The following CD55 variants were observed in gnomAD, a reference collection of about 807,000 sequenced individuals.
CD55 encodes the protein complement decay-accelerating factor.
CD55 carries 41 observed loss-of-function variants against 45.8 expected under a neutral mutation model. That is an observed-to-expected ratio of 0.90 (90% CI 0.70 to 1.16). The LOEUF (loss-of-function observed/expected upper bound fraction) is 1.16, where lower values mean the gene tolerates loss of function less well. Among genes scored for constraint, CD55 ranks in the 50% most tolerant of loss-of-function variants. CD55 has a pLI of 0.00. For missense variants in CD55, 416 were observed against 469.8 expected, an observed-to-expected ratio of 0.89 and a Z score of 1.06; for synonymous variants, 181 against 181.1, an observed-to-expected ratio of 1.00 and a Z score of 0.01.
intron 5 of CD55, among the ~76,000 whole-genome samples, chr1:207,328,895 G>A (rs187768365): frequency 1.6e-4 from 25 of 152,320 alleles, no homozygotes; most frequent in African/African-American, 6.0e-4. Context: ...ATAAATGGAG[G>A]TCGCTGGCCT....
At chr1:207,345,986 C>T (rs747409702) in intron 9 of CD55, among the ~76,000 whole-genome samples, 6 of 152,224 alleles carry the variant, frequency 3.9e-5, no homozygotes, top group Non-Finnish European at 7.3e-5. Context: ...TCCTTGGGCC[C>T]AGGGTGATGT....
At chr1:207,340,725 GC>G in intron 9 of CD55, 2 of 496,868 alleles carry the variant, frequency 4.0e-6, no homozygotes, top group South Asian at 5.7e-5. Context: ...CCATATCTTT[GC>G]TATTGTGAAT....
At chr1:207,346,187 G>T (rs1655630665) in intron 9 of CD55, among the ~76,000 whole-genome samples, 1 of 152,240 alleles carries the variant, frequency 6.6e-6, no homozygotes, top group Non-Finnish European at 1.5e-5. Context: ...GTTGGCTGTG[G>T]GTGCGGTGAT....
intron 9 of CD55, chr1:207,340,367 A>AT: frequency 1.6e-5 from 7 of 440,412 alleles, no homozygotes; most frequent in Admixed American, 8.6e-5. Context: ...TCTTTTTTTT[A>AT]TTTTTATTTT....
At chr1:207,322,167 C>T in intron 1 of CD55, 1 of 701,148 alleles carries the variant, frequency 1.4e-6, no homozygotes, top group Non-Finnish European at 2.6e-6. Flanking sequence ...AGACTGTATC[C>T]TTAACCCCCA....
In CD55 at chr1:207,345,852, TG is replaced by T. The variant is rs56078234; in HGVS notation, c.1081+6437del. On this transcript the variant is annotated intron_variant, in intron 9 of 9. Transcript: ENST00000367064. ...GACTTTCAGCTGTAAATATCATCAGTGGTATCTGTCATTTCCTCAGTGCTTT... is the reference window on the plus strand; with the variant it reads ...GACTTTCAGCTGTAAATATCATCAGTGTATCTGTCATTTCCTCAGTGCTTT... Among the ~76,000 whole-genome samples the T allele has an allele frequency of 1.1e-3, 161 of 152,354 alleles. 7 individuals carry two copies. The East Asian group carries it at 0.027, about 26-fold the overall frequency.
At position 207,323,990 on chromosome 1, in the gene CD55, C is replaced by G. The variant is rs557352742; in HGVS notation, c.287-569C>G. Among the ~76,000 whole-genome samples, 27 of 152,298 alleles carry G rather than the reference C, an allele frequency of 1.8e-4. 1 individual carries two copies. Among genetic ancestry groups the G allele is most frequent in the Admixed American group, 1.6e-3 (24 of 15,290 alleles). On this transcript the variant is annotated intron_variant, in intron 2 of 9. Transcript: ENST00000367064. ...ATGACCCTTCCACTTGACCATGCCT[C>G]TCTAGATTCACATTTGTGGGCAATC...
intron 4 of CD55, among the ~76,000 whole-genome samples, chr1:207,326,196 T>C (rs556051219): frequency 2.0e-5 from 3 of 152,332 alleles, no homozygotes; most frequent in African/African-American, 4.8e-5. Flanking sequence ...AACTCATTCA[T>C]TGAGTACCAT....
At chr1:207,353,248 G>A (rs2135923) in intron 9 of CD55, among the ~76,000 whole-genome samples, 40,679 of 151,464 alleles carry the variant, frequency 0.27, 6,153 homozygotes, top group East Asian at 0.58. Flanking sequence ...TTAAGGTGCC[G>A]TGATTCCCTA....
At chr1:207,340,093 C>T (rs1244749981) in intron 9 of CD55, among the ~76,000 whole-genome samples, 3 of 152,130 alleles carry the variant, frequency 2.0e-5, no homozygotes, top group South Asian at 2.1e-4. Flanking sequence ...TTATACCCAT[C>T]GGCCAAAGTC....
intron 9 of CD55, among the ~76,000 whole-genome samples, chr1:207,349,896 T>C (rs893787584): frequency 2.0e-5 from 3 of 152,334 alleles, no homozygotes; most frequent in East Asian, 1.9e-4. Flanking sequence ...CAGTACCATG[T>C]TGAATAGGAA....
At chr1:207,357,585 C>CG (rs1487947134) in intron 9 of CD55, among the ~76,000 whole-genome samples, 45 of 56,752 alleles carry the variant, frequency 7.9e-4, no homozygotes, top group African/African-American at 2.8e-3. Flanking sequence ...GGAGGGCGGG[C>CG]GGGGGCAGGG....
rs4844593 is a variant in CD55 at position 207,342,281 on chromosome 1, G to C, written c.1081+2864G>C. On this transcript the variant is annotated intron_variant, in intron 9 of 9. Transcript: ENST00000367064. ...AATAAATGAAAACTTGGTTCTCTAT[G>C]AGCCAAATGAAACTTGGTTCTTCAA... is the stretch of plus-strand genomic sequence containing the variant. 2.0e-3 allele frequency among the ~76,000 whole-genome samples: 297 copies of C among 152,032 alleles called. 5 individuals carry two copies. The highest frequency in any genetic ancestry group is 0.016 in the Admixed American group (241 of 15,288).
At chr1:207,340,467 G>A (rs1354939528) in intron 9 of CD55, 2 of 679,070 alleles carry the variant, frequency 2.9e-6, no homozygotes, top group Non-Finnish European at 5.3e-6. Flanking sequence ...CTGGGTTCAA[G>A]CGATCCTTCC....
At chr1:207,322,154 A>G in intron 1 of CD55, 1 of 679,864 alleles carries the variant, frequency 1.5e-6, no homozygotes, top group Non-Finnish European at 2.7e-6. Context: ...GGAGGGCTCA[A>G]AGAGACTGTA....
In CD55 at chr1:207,360,130, T is replaced by C. The variant is rs1656240031; in HGVS notation, c.*520T>C. The C allele has an allele frequency of 6.6e-6, 1 of 152,254 alleles. No individual in the cohort carries two copies. The highest frequency in any genetic ancestry group is 6.5e-5 in the Admixed American group (1 of 15,278). 9.4% of individuals were successfully genotyped at this position (152,254 alleles called of 1,614,324 possible). On this transcript the variant is annotated 3_prime_UTR_variant, in exon 10 of 10. Coordinates refer to ENST00000367064, the MANE Select transcript of CD55 (RefSeq NM_000574.5). ...TTTCCTTCGGGTTGGCAAAATATTTTAAAGGTAAAACATGCTGGTGAACCA... is the reference window on the plus strand; with the variant it reads ...TTTCCTTCGGGTTGGCAAAATATTTCAAAGGTAAAACATGCTGGTGAACCA...
intron 9 of CD55, among the ~76,000 whole-genome samples, chr1:207,353,502 C>T (rs1655965074): frequency 6.6e-6 from 1 of 151,736 alleles, no homozygotes; most frequent in Admixed American, 6.5e-5. Context: ...AGTCTTGACT[C>T]TTAAGTAGCT....
intron 9 of CD55, among the ~76,000 whole-genome samples, chr1:207,351,770 A>G (rs960503022): frequency 5.3e-5 from 8 of 152,150 alleles, no homozygotes; most frequent in African/African-American, 9.7e-5. Context: ...ATGGCACTCA[A>G]TGAAGGTTTG....
intron 8 of CD55, chr1:207,337,639 A>C: frequency 2.6e-6 from 1 of 388,056 alleles, no homozygotes; most frequent in Non-Finnish European, 4.6e-6. Flanking sequence ...CCCATTAAAA[A>C]AATGCTAAAT....
Sources: gnomAD v4.1 joint callset for allele counts (sites outside exome capture counted in the v4.1 genomes callset) on GRCh38, gnomAD v4.1.1 for gene constraint, MANE v1.5 for transcripts, NCBI Gene and HGNC (gene_info 2026-07-23, HGNC 2026-07-21) for gene names.